Variants in SFMBT2 observed in about 807,000 individuals in gnomAD.
SFMBT2 encodes the protein scm-like with four MBT domains protein 2.
In SFMBT2, 38 loss-of-function variants were observed where a neutral mutation model predicts 110.1. That is an observed-to-expected ratio of 0.35 (90% CI 0.27 to 0.45). SFMBT2 has a LOEUF of 0.45. Among genes scored for constraint, SFMBT2 ranks in the 20% least tolerant of loss-of-function variants. The pLI is 1.00. For missense variants in SFMBT2, 1,011 were observed against 1,094.9 expected (o/e 0.92, Z 1.08); for synonymous variants, 425 against 425.4 (o/e 1.00, Z 0.01).
intron 9 of SFMBT2, among the ~76,000 whole-genome samples, chr10:7,241,025 T>A (rs979176990): frequency 2.6e-5 from 4 of 152,128 alleles, no homozygotes; most frequent in African/African-American, 9.7e-5. Context: ...GGGAGGTGAT[T>A]GAATCACGGG....
rs1837695633 is a variant in SFMBT2, at chr10:7,166,404, G to T, written c.2545-2494C>A. 3.3e-5 allele frequency among the ~76,000 whole-genome samples: 5 copies of T among 152,258 alleles called. No individual in the cohort carries two copies. In the South Asian group the frequency reaches 1.0e-3, roughly 31 times the overall value. On this transcript the variant is annotated intron_variant, in intron 20 of 20. Coordinates refer to ENST00000397167, the MANE Select transcript of SFMBT2 (RefSeq NM_001387889.1). The stretch of plus-strand genomic sequence containing the variant: ...TGACTATCAGCACGAAAATATTCGT[G>T]TAACTCTTTCTTTACAGAAAATTTC...
intron 11 of SFMBT2, chr10:7,215,802 G>C (rs1026034228): frequency 2.3e-6 from 2 of 888,800 alleles, no homozygotes; most frequent in Admixed American, 6.2e-5. Context: ...GGGTCTACTA[G>C]GGATGGCTCC....
At chr10:7,257,585 G>C (rs1050802524) in intron 7 of SFMBT2, among the ~76,000 whole-genome samples, 1 of 152,192 alleles carries the variant, frequency 6.6e-6, no homozygotes, top group South Asian at 2.1e-4. Flanking sequence ...GCAATGGAGA[G>C]TATTACTAAC....
At position 7,309,639 on chromosome 10, in the gene SFMBT2, G is replaced by A. The variant is rs191742479; in HGVS notation, c.437-23685C>T. Among the ~76,000 whole-genome samples, 227 of 150,048 alleles carry A rather than the reference G, an allele frequency of 1.5e-3. 1 individual carries two copies. The highest frequency in any genetic ancestry group is 2.6e-3 in the Non-Finnish European group (174 of 67,472). The stretch of plus-strand genomic sequence containing the variant: ...AGGCCCTGAGATGTGCTGACCTGTC[G>A]CAGCAGCTACTGAGGCACCCTGAAC... On this transcript the variant is annotated intron_variant, in intron 4 of 20. Coordinates refer to ENST00000397167, the MANE Select transcript of SFMBT2 (RefSeq NM_001387889.1).
intron 11 of SFMBT2, chr10:7,215,757 G>A: frequency 1.0e-6 from 1 of 983,726 alleles, no homozygotes; most frequent in Non-Finnish European, 1.2e-6. Flanking sequence ...GGCCTGACCT[G>A]CTTCCCTCCT....
At chr10:7,335,569 A>C (rs1479592200) in intron 4 of SFMBT2, among the ~76,000 whole-genome samples, 1 of 117,584 alleles carries the variant, frequency 8.5e-6, no homozygotes. Flanking sequence ...AGATATTCAG[A>C]AACAGAAACA....
chr10:7,386,086 A>G (rs1845595813), intron 1 of SFMBT2, among the ~76,000 whole-genome samples: 1 of 152,206 alleles, frequency 6.6e-6, no homozygotes, highest in African/African-American at 2.4e-5. Context: ...TCCAGGAAAA[A>G]ATAATAAAAA....
chr10:7,218,762 C>G (rs1206591791), intron 11 of SFMBT2, among the ~76,000 whole-genome samples: 1 of 152,144 alleles, frequency 6.6e-6, no homozygotes, highest in African/African-American at 2.4e-5. Context: ...AAATGTTGTT[C>G]ATCACTCTTT....
intron 1 of SFMBT2, among the ~76,000 whole-genome samples, chr10:7,394,503 GACCCCC>G (rs1845868480): frequency 6.6e-6 from 1 of 150,544 alleles, no homozygotes; most frequent in Admixed American, 6.6e-5. Context: ...CTGGTCACAT[GACCCCC>G]ACCCCCCAAC....
intron 2 of SFMBT2, among the ~76,000 whole-genome samples, chr10:7,379,127 A>G (rs1845353676): frequency 6.6e-6 from 1 of 152,148 alleles, no homozygotes; most frequent in South Asian, 2.1e-4. Flanking sequence ...TGCCTGCCAC[A>G]CAGTCTGAAC....
At chr10:7,190,544 C>G (rs962520163) in intron 15 of SFMBT2, among the ~76,000 whole-genome samples, 5 of 152,228 alleles carry the variant, frequency 3.3e-5, no homozygotes, top group Non-Finnish European at 7.3e-5. Flanking sequence ...CATCATCCGT[C>G]TCCAAATTCA....
At chr10:7,213,556 G>A (rs987470117) in intron 11 of SFMBT2, among the ~76,000 whole-genome samples, 4 of 152,226 alleles carry the variant, frequency 2.6e-5, no homozygotes, top group African/African-American at 9.7e-5. Context: ...GGCATCATTC[G>A]TCAGCCAGGA....
rs1844967532 is a variant in SFMBT2 at position 7,368,304 on chromosome 10, TA to T, written c.196-416del. The T allele has an allele frequency of 4.1e-6, 4 of 983,576 alleles. No homozygotes were observed. In the South Asian group the frequency reaches 1.4e-4, roughly 35 times the overall value. 60.9% of individuals were successfully genotyped at this position (983,576 alleles called of 1,614,324 possible). On this transcript the variant is annotated intron_variant, in intron 3 of 20. Coordinates refer to ENST00000397167, the MANE Select transcript of SFMBT2 (RefSeq NM_001387889.1). ...TTCAAGGACTCACAGGACCACATGA[TA>T]GGGGCTATTCCATGAACAACATGGC...
At chr10:7,404,753 A>G (rs1419944677) in intron 1 of SFMBT2, among the ~76,000 whole-genome samples, 1 of 152,240 alleles carries the variant, frequency 6.6e-6, no homozygotes, top group Non-Finnish European at 1.5e-5. Flanking sequence ...CCTAACCATC[A>G]GTGCATATTG....
intron 7 of SFMBT2, among the ~76,000 whole-genome samples, chr10:7,271,899 C>G (rs533574516): frequency 2.6e-5 from 4 of 152,112 alleles, no homozygotes; most frequent in Non-Finnish European, 5.9e-5. Context: ...GGGAAAGACC[C>G]ACCCCCATGA....
intron 16 of SFMBT2, among the ~76,000 whole-genome samples, chr10:7,181,368 A>G (rs1838243242): frequency 6.6e-6 from 1 of 152,224 alleles, no homozygotes; most frequent in African/African-American, 2.4e-5. Context: ...AAGCTGAAAA[A>G]AGATGAAATC....
intron 11 of SFMBT2, among the ~76,000 whole-genome samples, chr10:7,216,426 G>T (rs10795532): frequency 6.6e-6 from 1 of 151,998 alleles, no homozygotes; most frequent in Non-Finnish European, 1.5e-5. Context: ...CTCTCCTGCC[G>T]CCGCCATGTA....
intron 4 of SFMBT2, among the ~76,000 whole-genome samples, chr10:7,311,208 A>T (rs765864089): frequency 1.1e-4 from 17 of 152,148 alleles, no homozygotes; most frequent in African/African-American, 3.9e-4. Context: ...TACACAGAAC[A>T]AATCTCTTCT....
intron 16 of SFMBT2, chr10:7,176,479 A>G (rs947144582): frequency 2.0e-6 from 2 of 985,190 alleles, no homozygotes; most frequent in African/African-American, 3.5e-5. Flanking sequence ...CCTGATGGGC[A>G]TGGCTCTCGA....
Sources: allele counts gnomAD v4.1 joint callset (sites outside exome capture counted in the v4.1 genomes callset), GRCh38; gene constraint gnomAD v4.1.1; transcripts MANE v1.5; gene names NCBI Gene and HGNC (gene_info 2026-07-23, HGNC 2026-07-21).